The following MYO5B variants were observed in gnomAD, a reference collection of about 807,000 sequenced individuals.
MYO5B encodes myosin VB.
In MYO5B, 143 loss-of-function variants were observed where a neutral mutation model predicts 229.3. That is an observed-to-expected ratio of 0.62 (90% CI 0.54 to 0.72). MYO5B has a LOEUF of 0.72. Ranked by LOEUF, MYO5B falls within the 30% of genes least tolerant of loss-of-function variation. MYO5B has a pLI of 0.00. For synonymous variants in MYO5B, 918 were observed against 885.2 expected (o/e 1.04, Z -0.66); for missense variants, 2,321 against 2,331.0 (o/e 1.00, Z 0.09).
chr18:49,884,530 C>T (rs901752612), intron 22 of MYO5B, among the ~76,000 whole-genome samples: 1 of 151,766 alleles, frequency 6.6e-6, no homozygotes, highest in African/African-American at 2.4e-5. Flanking sequence ...AGGAAAGTGT[C>T]GCATGTGCAG....
Position 49,992,375 on chromosome 18 carries a change from G to A in MYO5B, c.669C>T (p.Tyr223=). The part of the protein sequence containing the change: ...RNDNSSRFGK[Y]IQIGFDKRYH... Reference sequence around the variant, plus strand: ...ACCTTTTGTCAAAGCCAATCTGGATGTACTTGCCAAAACGGCTGCTGTTGT... The same window carrying A: ...ACCTTTTGTCAAAGCCAATCTGGATATACTTGCCAAAACGGCTGCTGTTGT... The change falls in exon 6 of 40, where the codon TAC becomes TAT. Residue 223 remains tyrosine, a synonymous_variant. Coordinates refer to ENST00000285039, the MANE Select transcript of MYO5B (RefSeq NM_001080467.3). 6.2e-7 allele frequency: 1 copy of A among 1,614,156 alleles called. No individual in the cohort carries two copies. The highest frequency in any genetic ancestry group is 8.5e-7 in the Non-Finnish European group (1 of 1,180,026).
Position 50,040,321 on chromosome 18 carries a change from A to C in MYO5B, c.139-7T>G. The C allele has an allele frequency of 1.2e-6, 2 of 1,613,972 alleles. No homozygotes were observed. Among genetic ancestry groups the C allele is most frequent in the South Asian group, 1.1e-5 (1 of 91,076 alleles). On this transcript the variant is annotated splice_polypyrimidine_tract_variant and splice_region_variant and intron_variant, in intron 2 of 39. Transcript: ENST00000285039. ...CAATTGGGTATTCCAGAATCTAAAGACATGCAAGTAGCAGACACAAAAAGG... is the reference window on the plus strand; with the variant it reads ...CAATTGGGTATTCCAGAATCTAAAGCCATGCAAGTAGCAGACACAAAAAGG...
intron 4 of MYO5B, among the ~76,000 whole-genome samples, chr18:50,012,781 T>C (rs116730017): frequency 0.01 from 1,533 of 152,342 alleles, 22 homozygotes; most frequent in African/African-American, 0.034. Flanking sequence ...CTGAATGGTT[T>C]GTTGAAAGCC....
chr18:49,843,220 C>T (rs1216646217), intron 34 of MYO5B, 21 bp downstream of exon 34: 1 of 1,613,112 alleles, frequency 6.2e-7, no homozygotes, highest in Non-Finnish European at 8.5e-7. Context: ...CAAACCATGA[C>T]CTTCTGCAGG....
chr18:49,986,883 A>G (rs2025875952), intron 7 of MYO5B, among the ~76,000 whole-genome samples: 1 of 152,140 alleles, frequency 6.6e-6, no homozygotes. Flanking sequence ...CAGGCCTGGG[A>G]TTCCATTACT....
rs755882247 is a variant in MYO5B, at chr18:49,895,068, G to C, written c.2918C>G (p.Pro973Arg). The C allele has an allele frequency of 6.2e-7, 1 of 1,614,126 alleles. No individual in the cohort carries two copies. Among genetic ancestry groups the C allele is most frequent in the South Asian group, 1.1e-5 (1 of 91,086 alleles). ...KKELVHYQQSPGEDTSLRLQE... is the reference protein window; with the variant it reads ...KKELVHYQQSRGEDTSLRLQE... The stretch of plus-strand genomic sequence containing the variant: ...CAGCCTGAGGCTGGTGTCCTCACCT[G>C]GGCTCTGCTGGTAGTGCACCAGCTC... Residue 973 changes from proline to arginine, a missense_variant, in exon 22 of 40, where the codon CCA becomes CGA. Transcript: ENST00000285039.
At chr18:50,151,340 G>A (rs1425596983) in intron 1 of MYO5B, among the ~76,000 whole-genome samples, 1 of 152,130 alleles carries the variant, frequency 6.6e-6, no homozygotes, top group Non-Finnish European at 1.5e-5. Flanking sequence ...ACGTCACTCA[G>A]TTCTTCCCCA....
intron 17 of MYO5B, among the ~76,000 whole-genome samples, chr18:49,925,280 A>G (rs2025116558): frequency 6.6e-6 from 1 of 152,238 alleles, no homozygotes; most frequent in Non-Finnish European, 1.5e-5. Flanking sequence ...ACCAATTGCC[A>G]ATCAGAAAAT....
chr18:50,148,682 C>T (rs376133777), intron 1 of MYO5B, among the ~76,000 whole-genome samples: 4 of 151,792 alleles, frequency 2.6e-5, no homozygotes, highest in African/African-American at 4.8e-5. Context: ...TGGGACGTAT[C>T]TCAAAATAAT....
intron 4 of MYO5B, among the ~76,000 whole-genome samples, chr18:50,018,991 C>T (rs1280673352): frequency 6.6e-6 from 1 of 152,208 alleles, no homozygotes; most frequent in African/African-American, 2.4e-5. Flanking sequence ...TGATTGCCCA[C>T]TTACATTATT....
chr18:49,921,337 A>G (rs2025073519), intron 17 of MYO5B, among the ~76,000 whole-genome samples: 1 of 145,268 alleles, frequency 6.9e-6, no homozygotes, highest in Non-Finnish European at 1.5e-5. Flanking sequence ...GGTAAGCAGT[A>G]TTTGCTTCAC....
At chr18:50,113,394 C>T (rs1276620938) in intron 1 of MYO5B, among the ~76,000 whole-genome samples, 3 of 152,198 alleles carry the variant, frequency 2.0e-5, no homozygotes, top group East Asian at 3.8e-4. Context: ...CACTGTAGGG[C>T]TCACCATGGT....
Position 50,194,984 on chromosome 18 carries a change from T to G in MYO5B, c.-191A>C. ...TCGCTCCCGGCGGCGCGACCTTTAC[T>G]CCCGCCGCGGCGGCGCAGCTACGGC... On this transcript the variant is annotated 5_prime_UTR_variant, in exon 1 of 40. Transcript: ENST00000285039. 1.6e-5 allele frequency: 12 copies of G among 747,730 alleles called. No individual in the cohort carries two copies. The highest frequency in any genetic ancestry group is 4.7e-5 in the Admixed American group (1 of 21,372). 46.3% of individuals were successfully genotyped at this position (747,730 alleles called of 1,614,324 possible).
At chr18:49,910,096 C>T (rs929993147) in intron 18 of MYO5B, among the ~76,000 whole-genome samples, 4 of 152,256 alleles carry the variant, frequency 2.6e-5, no homozygotes, top group South Asian at 2.1e-4. Context: ...GCACTGAAGC[C>T]GAGCACTGAG....
At chr18:49,985,110 A>T (rs2025857300) in intron 7 of MYO5B, among the ~76,000 whole-genome samples, 1 of 152,218 alleles carries the variant, frequency 6.6e-6, no homozygotes, top group East Asian at 1.9e-4. Context: ...GTCACAGACA[A>T]TTCAGTTTAA....
At chr18:50,055,437 G>A (rs973251222) in intron 1 of MYO5B, 59 bp from the exon 2 acceptor site, 5 of 1,396,996 alleles carry the variant, frequency 3.6e-6, no homozygotes, top group Non-Finnish European at 5.1e-6. Context: ...ATTTCTAAAT[G>A]TGTGTCACTA....
chr18:49,857,251 C>G (rs2024273768), intron 29 of MYO5B, among the ~76,000 whole-genome samples: 1 of 152,228 alleles, frequency 6.6e-6, no homozygotes, highest in South Asian at 2.1e-4. Flanking sequence ...TTCACATAGC[C>G]TCACACATGG....
chr18:49,949,012 T>C (rs1242711933), intron 14 of MYO5B, among the ~76,000 whole-genome samples: 1 of 152,096 alleles, frequency 6.6e-6, no homozygotes, highest in East Asian at 1.9e-4. Context: ...AGGTGTAGGG[T>C]TCATGAACTC....
Position 49,943,948 on chromosome 18 carries a change from G to A in MYO5B, c.1753-6551C>T, listed in dbSNP as rs149520734. Among the ~76,000 whole-genome samples the A allele has an allele frequency of 2.8e-3, 427 of 152,262 alleles. 1 individual carries two copies. The highest frequency in any genetic ancestry group is 4.6e-3 in the Admixed American group (70 of 15,296). On this transcript the variant is annotated intron_variant, in intron 14 of 39. Coordinates refer to ENST00000285039, the MANE Select transcript of MYO5B (RefSeq NM_001080467.3). ...TGGGGAGGACAGCATGTTATGGGGTGGAAGTAATGGCACCTATGAAGGAGC... is the reference window on the plus strand; with the variant it reads ...TGGGGAGGACAGCATGTTATGGGGTAGAAGTAATGGCACCTATGAAGGAGC...
Sources: gnomAD v4.1 joint callset for allele counts (sites outside exome capture counted in the v4.1 genomes callset) on GRCh38, gnomAD v4.1.1 for gene constraint, MANE v1.5 for transcripts, NCBI Gene and HGNC (gene_info 2026-07-23, HGNC 2026-07-21) for gene names.